Variants in FILIP1L observed in about 807,000 individuals in gnomAD.
The protein encoded by FILIP1L is filamin A interacting protein 1 like, also known as filamin A-interacting protein 1-like.
Under a neutral mutation model 96.6 loss-of-function variants are expected in FILIP1L, and 55 were observed. The observed-to-expected ratio is 0.57, with a 90% CI of 0.46 to 0.71. The LOEUF is 0.71. Among genes scored for constraint, FILIP1L ranks in the 30% least tolerant of loss-of-function variants. The pLI, the probability that FILIP1L is intolerant of heterozygous loss-of-function variation, is 0.00. For synonymous variants in FILIP1L, 467 were observed against 473.9 expected, an observed-to-expected ratio of 0.99 and a Z score of 0.19; for missense variants, 1,304 against 1,321.2, an observed-to-expected ratio of 0.99 and a Z score of 0.20.
At chr3:99,833,261 C>A in intron 5 of FILIP1L, 2 of 1,610,886 alleles carry the variant, frequency 1.2e-6, no homozygotes, top group Non-Finnish European at 1.7e-6. Flanking sequence ...AGTGGTTCCA[C>A]CTAGGGAGCA....
chr3:99,880,109 C>T (rs539809080), intron 4 of FILIP1L, among the ~76,000 whole-genome samples: 2 of 152,206 alleles, frequency 1.3e-5, no homozygotes, highest in South Asian at 2.1e-4. Context: ...CAACTTAGGA[C>T]GAAGGCTGAA....
intron 1 of FILIP1L, among the ~76,000 whole-genome samples, chr3:99,969,399 T>C (rs1708749232): frequency 2.0e-5 from 3 of 152,332 alleles, no homozygotes; most frequent in Non-Finnish European, 4.4e-5. Context: ...GTTGATGGCC[T>C]ATTTGAGATT....
chr3:100,011,883 T>C (rs1163218301), intron 1 of FILIP1L: 6 of 152,204 alleles, frequency 3.9e-5, no homozygotes, highest in Non-Finnish European at 8.8e-5. Context: ...AGTTTTAGTA[T>C]TATAATATTA....
chr3:100,050,374 T>C (rs1230846559), intron 1 of FILIP1L, among the ~76,000 whole-genome samples: 1 of 152,208 alleles, frequency 6.6e-6, no homozygotes, highest in Non-Finnish European at 1.5e-5. Flanking sequence ...TGTGAAATGC[T>C]CAGTATGAAA....
chr3:100,049,154 TC>T (rs1443183807), intron 1 of FILIP1L, among the ~76,000 whole-genome samples: 17 of 152,330 alleles, frequency 1.1e-4, no homozygotes, highest in African/African-American at 4.1e-4. Flanking sequence ...TTACCTTCTC[TC>T]CTTACTATTT....
In FILIP1L at chr3:99,883,287, C is replaced by T. The variant is rs536392810; in HGVS notation, c.606-32217G>A. ...CTGCTTCTAACTTCCACTCATTGTT[C>T]TTCATCTTTCCATGACACCATGTTG... On this transcript the variant is annotated intron_variant, in intron 4 of 5. Transcript: ENST00000477258. Among the ~76,000 whole-genome samples, 6 of 152,304 alleles carry T rather than the reference C, an allele frequency of 3.9e-5. No individual in the cohort carries two copies. The South Asian group carries it at 1.2e-3, about 32-fold the overall frequency.
chr3:99,988,227 G>A (rs1249885702), intron 1 of FILIP1L, among the ~76,000 whole-genome samples: 7 of 151,352 alleles, frequency 4.6e-5, no homozygotes, highest in African/African-American at 1.7e-4. Context: ...GCCGGGCGCA[G>A]TGCCTCACGC....
chr3:99,928,484 G>T (rs1168602669), intron 3 of FILIP1L, among the ~76,000 whole-genome samples: 1 of 152,232 alleles, frequency 6.6e-6, no homozygotes, highest in East Asian at 1.9e-4. Context: ...GACTTGTAAA[G>T]TAGGGCCAGA....
At chr3:99,915,095 T>A (rs1165594568) in intron 4 of FILIP1L, among the ~76,000 whole-genome samples, 1 of 152,220 alleles carries the variant, frequency 6.6e-6, no homozygotes, top group East Asian at 1.9e-4. Context: ...TGCTCTTAAT[T>A]CTGCCTTCTT....
At chr3:99,952,847 C>A (rs914401098) in intron 1 of FILIP1L, among the ~76,000 whole-genome samples, 1 of 152,074 alleles carries the variant, frequency 6.6e-6, no homozygotes. Flanking sequence ...TAATTTCAAT[C>A]TTTATATGTT....
At chr3:99,941,556 A>G (rs78451913) in intron 1 of FILIP1L, among the ~76,000 whole-genome samples, 1,763 of 152,316 alleles carry the variant, frequency 0.012, 19 homozygotes, top group African/African-American at 0.026. Flanking sequence ...AATGGTGAAA[A>G]GTGAGGGCAG....
chr3:100,027,695 T>C (rs1443212840), intron 1 of FILIP1L, among the ~76,000 whole-genome samples: 2 of 152,216 alleles, frequency 1.3e-5, no homozygotes, highest in Non-Finnish European at 2.9e-5. Context: ...TTCAGCCTCC[T>C]GAGTGAACTT....
intron 5 of FILIP1L, among the ~76,000 whole-genome samples, chr3:99,833,943 A>G (rs1197487172): frequency 1.3e-5 from 2 of 152,272 alleles, no homozygotes; most frequent in Non-Finnish European, 2.9e-5. Context: ...ATAAGCAATG[A>G]TGATGGATAT....
At chr3:99,988,766 A>T (rs1709428718) in intron 1 of FILIP1L, among the ~76,000 whole-genome samples, 1 of 152,218 alleles carries the variant, frequency 6.6e-6, no homozygotes. Flanking sequence ...ACAGAAACAT[A>T]GTATAATAAC....
chr3:99,906,970 G>C (rs1026299452), intron 4 of FILIP1L, among the ~76,000 whole-genome samples: 2 of 152,052 alleles, frequency 1.3e-5, no homozygotes, highest in African/African-American at 4.8e-5. Flanking sequence ...CGACTTTTAA[G>C]TTTATTTAAA....
chr3:100,008,539 T>A (rs1710053641), intron 1 of FILIP1L, among the ~76,000 whole-genome samples: 1 of 152,130 alleles, frequency 6.6e-6, no homozygotes, highest in African/African-American at 2.4e-5. Flanking sequence ...AAGATGGAAA[T>A]CTACTCTAGC....
At chr3:99,905,869 A>C (rs1372905328) in intron 4 of FILIP1L, among the ~76,000 whole-genome samples, 1 of 152,202 alleles carries the variant, frequency 6.6e-6, no homozygotes, top group African/African-American at 2.4e-5. Context: ...TAGTTGCTTC[A>C]CTTCTTTAAC....
intron 1 of FILIP1L, among the ~76,000 whole-genome samples, chr3:100,026,272 A>G (rs1489752362): frequency 3.7e-4 from 56 of 152,004 alleles, no homozygotes; most frequent in Non-Finnish European, 1.5e-5. Context: ...TTTATGTTAT[A>G]TTTTTGCTGC....
At chr3:100,085,996 A>G (rs1559752550) in intron 1 of FILIP1L, among the ~76,000 whole-genome samples, 1 of 152,222 alleles carries the variant, frequency 6.6e-6, no homozygotes, top group South Asian at 2.1e-4. Context: ...AGTTAATCAA[A>G]TGGCTGCTGT....
Sources: gnomAD v4.1 joint callset for allele counts (sites outside exome capture counted in the v4.1 genomes callset) on GRCh38, gnomAD v4.1.1 for gene constraint, MANE v1.5 for transcripts, NCBI Gene and HGNC (gene_info 2026-07-23, HGNC 2026-07-21) for gene names.